The following NIPBL variants were observed in gnomAD, a reference collection of about 807,000 sequenced individuals.
NIPBL encodes nipped-B-like protein.
In NIPBL, 19 loss-of-function variants were observed where a neutral mutation model predicts 321.8. The ratio of observed to expected loss-of-function variants is 0.06; its 90% CI spans 0.04 to 0.09. NIPBL has a LOEUF of 0.09. Ranked by LOEUF, NIPBL falls within the 10% of genes least tolerant of loss-of-function variation. The probability of loss-of-function intolerance (pLI) is 1.00; values close to 1 mark genes in which losing one functional copy is unlikely to be tolerated. For synonymous variants in NIPBL, 1,106 were observed against 1,114.1 expected (o/e 0.99, Z 0.14); for missense variants, 2,210 against 3,327.0 (o/e 0.66, Z 8.26).
At chr5:36,990,446 C>A (rs561793977) in intron 10 of NIPBL, among the ~76,000 whole-genome samples, 1 of 151,924 alleles carries the variant, frequency 6.6e-6, no homozygotes, top group African/African-American at 2.4e-5. Flanking sequence ...GAGGAATTTT[C>A]GGTGTTTTCT....
intron 9 of NIPBL, among the ~76,000 whole-genome samples, chr5:36,981,962 T>C (rs1744199968): frequency 6.6e-6 from 1 of 151,812 alleles, no homozygotes; most frequent in Non-Finnish European, 1.5e-5. Context: ...CTACCATGTA[T>C]ACACAATTAT....
At chr5:36,879,060 T>C (rs1191918277) in intron 1 of NIPBL, among the ~76,000 whole-genome samples, 2 of 152,088 alleles carry the variant, frequency 1.3e-5, no homozygotes, top group Non-Finnish European at 2.9e-5. Flanking sequence ...AGGGTTTGTT[T>C]TTTTGGGGAT....
chr5:36,882,027 G>T, intron 1 of NIPBL, among the ~76,000 whole-genome samples: 1 of 151,874 alleles, frequency 6.6e-6, no homozygotes, highest in Non-Finnish European at 1.5e-5. Flanking sequence ...TGATCATTTT[G>T]TAAAGTTTCA....
intron 1 of NIPBL, among the ~76,000 whole-genome samples, chr5:36,947,761 G>A (rs1186513467): frequency 6.6e-6 from 1 of 151,730 alleles, no homozygotes; most frequent in East Asian, 1.9e-4. Context: ...AAAAGTCCAA[G>A]GAGTACAGAT....
At chr5:37,043,952 C>T (rs1019372704) in intron 34 of NIPBL, among the ~76,000 whole-genome samples, 7 of 152,142 alleles carry the variant, frequency 4.6e-5, no homozygotes, top group African/African-American at 7.2e-5. Flanking sequence ...TGTCAGGATA[C>T]GGGGGAAGAA....
rs765270376 is a variant in NIPBL at position 37,000,590 on chromosome 5, G to A, written c.3502+20G>A. On this transcript the variant is annotated intron_variant, in intron 12 of 46. Coordinates refer to ENST00000282516, the MANE Select transcript of NIPBL (RefSeq NM_133433.4). ...GTGAGGGTAATTCATCAGTGTCAAC[G>A]GATTTCTTACATAAACCAATTTAAA... 6.8e-6 allele frequency: 11 copies of A among 1,609,992 alleles called. No homozygotes were observed. Among genetic ancestry groups the A allele is most frequent in the East Asian group, 2.2e-5 (1 of 44,836 alleles).
At chr5:36,957,243 G>T (rs1304893930) in intron 3 of NIPBL, among the ~76,000 whole-genome samples, 1 of 152,146 alleles carries the variant, frequency 6.6e-6, no homozygotes, top group African/African-American at 2.4e-5. Context: ...GCTGTGAAGT[G>T]TATTGAAATT....
At chr5:36,977,369 G>C (rs1743594666) in intron 9 of NIPBL, among the ~76,000 whole-genome samples, 1 of 151,840 alleles carries the variant, frequency 6.6e-6, no homozygotes, top group Admixed American at 6.6e-5. Context: ...TGTTTGACAG[G>C]ATCATGACAA....
At chr5:36,942,761 C>T (rs560915079) in intron 1 of NIPBL, among the ~76,000 whole-genome samples, 2 of 151,746 alleles carry the variant, frequency 1.3e-5, no homozygotes, top group South Asian at 4.2e-4. Context: ...ATTATCCTCC[C>T]TAAAAAGCTA....
intron 1 of NIPBL, among the ~76,000 whole-genome samples, chr5:36,930,426 T>A (rs190778740): frequency 2.6e-5 from 4 of 152,200 alleles, no homozygotes; most frequent in African/African-American, 9.6e-5. Context: ...GCTGAGCTTT[T>A]TTTTGATTCT....
intron 1 of NIPBL, among the ~76,000 whole-genome samples, chr5:36,921,780 G>A (rs1487630349): frequency 6.6e-6 from 1 of 152,030 alleles, no homozygotes; most frequent in Non-Finnish European, 1.5e-5. Flanking sequence ...ACTGTATTGA[G>A]TTTTGGTAAA....
chr5:37,028,054 A>G (rs1444723305), intron 32 of NIPBL, among the ~76,000 whole-genome samples: 2 of 152,142 alleles, frequency 1.3e-5, no homozygotes, highest in African/African-American at 4.8e-5. Context: ...AATATATTGC[A>G]TTAAAAATAT....
In NIPBL at chr5:37,006,287, A is replaced by G. The variant is rs982966806; in HGVS notation, c.3856-70A>G. The G allele has an allele frequency of 5.8e-6, 5 of 868,648 alleles. No homozygotes were observed. The African/African-American group carries it at 8.4e-5, about 15-fold the overall frequency. The allele number at this position is 868,648 out of a possible 1,614,324, so 53.8% of individuals were successfully genotyped here. ...CTTTTCCACCAGTGAAAATCAAATCATAATTTTAATGTATATTTTAAACCT... is the reference window on the plus strand; with the variant it reads ...CTTTTCCACCAGTGAAAATCAAATCGTAATTTTAATGTATATTTTAAACCT... On this transcript the variant is annotated intron_variant, in intron 16 of 46. Transcript: ENST00000282516.
chr5:36,876,815 G>A lies in NIPBL; in HGVS notation c.-443G>A, dbSNP rs911542413. On this transcript the variant is annotated 5_prime_UTR_variant, in exon 1 of 47. Transcript: ENST00000282516. ...ACGGAACGAGAGAGAGACACACACA[G>A]GGCTCCTTCCCCCCGCCCTCCCCCC... The A allele has an allele frequency of 2.3e-5, 9 of 394,370 alleles. No homozygotes were observed. Among genetic ancestry groups the A allele is most frequent in the Non-Finnish European group, 4.0e-5 (9 of 223,356 alleles). 24.4% of individuals were successfully genotyped at this position (394,370 alleles called of 1,614,324 possible). A position where few individuals can be genotyped will look rare whatever the true frequency, so the allele number is the denominator to read the frequency against.
intron 10 of NIPBL, among the ~76,000 whole-genome samples, chr5:36,986,604 T>G (rs866677743): frequency 6.6e-6 from 1 of 152,168 alleles, no homozygotes; most frequent in Non-Finnish European, 1.5e-5. Flanking sequence ...TGAAATATGC[T>G]TAAGTGAATG....
intron 4 of NIPBL, among the ~76,000 whole-genome samples, chr5:36,960,404 T>C (rs1741481660): frequency 1.3e-5 from 2 of 150,638 alleles, no homozygotes; most frequent in Non-Finnish European, 3.0e-5. Flanking sequence ...ACAATAATTA[T>C]AGTAATTAAG....
At chr5:36,970,680 T>C (rs1293124644) in intron 6 of NIPBL, among the ~76,000 whole-genome samples, 196 bp from the exon 7 acceptor site, 4 of 152,008 alleles carry the variant, frequency 2.6e-5, no homozygotes, top group African/African-American at 9.7e-5. Context: ...ACTATATTTG[T>C]AATGTTTTAG....
intron 1 of NIPBL, among the ~76,000 whole-genome samples, chr5:36,896,062 GCACTTA>G (rs146611310): frequency 0.11 from 17,485 of 152,080 alleles, 1,067 homozygotes; most frequent in Admixed American, 0.18. Flanking sequence ...TTTAGTTTTA[GCACTTA>G]CATTTAATAC....
rs1351560548 is a variant in NIPBL at position 37,052,576 on chromosome 5, A to C, written c.7263+10A>C. On this transcript the variant is annotated intron_variant, in intron 42 of 46. Coordinates refer to ENST00000282516, the MANE Select transcript of NIPBL (RefSeq NM_133433.4). ...CTTTGATGACACAGCAGTAAGCACA[A>C]AAACTTATTATTTTAAGAAAATAAG... 1 of 1,608,976 alleles carries C rather than the reference A, an allele frequency of 6.2e-7. No individual in the cohort carries two copies. Among genetic ancestry groups the C allele is most frequent in the Non-Finnish European group, 8.5e-7 (1 of 1,175,628 alleles).
Sources: allele counts gnomAD v4.1 joint callset (sites outside exome capture counted in the v4.1 genomes callset), GRCh38; gene constraint gnomAD v4.1.1; transcripts MANE v1.5; gene names NCBI Gene and HGNC (gene_info 2026-07-23, HGNC 2026-07-21).